PLCZ1: variants seen among roughly 807,000 people sequenced by gnomAD.
The protein encoded by PLCZ1 is 1-phosphatidylinositol 4,5-bisphosphate phosphodiesterase zeta-1.
Under a neutral mutation model 76.8 loss-of-function variants are expected in PLCZ1, and 64 were observed. That is an observed-to-expected ratio of 0.83 (90% CI 0.68 to 1.03). PLCZ1 has a LOEUF of 1.03. Ranked by LOEUF, PLCZ1 falls within the 50% of genes least tolerant of loss-of-function variation. The pLI is 0.00. For synonymous variants in PLCZ1, 248 were observed against 230.8 expected (o/e 1.07, Z -0.68); for missense variants, 751 against 713.7 (o/e 1.05, Z -0.60).
At chr12:18,673,638 C>T in the PLCZ1 span, among the ~76,000 whole-genome samples, 1 of 152,198 alleles carries the variant, frequency 6.6e-6, no homozygotes, top group Non-Finnish European at 1.5e-5. Flanking sequence ...TTAATTATCT[C>T]ATAGTTTCTG....
chr12:18,662,332 T>TA, the PLCZ1 span, among the ~76,000 whole-genome samples: 10 of 151,980 alleles, frequency 6.6e-5, no homozygotes, highest in African/African-American at 2.4e-4. Flanking sequence ...GTACAATTTT[T>TA]AAAAAACACA....
At chr12:18,679,257 A>AT (rs1952208547), downstream of PLCZ1, among the ~76,000 whole-genome samples, 1 of 151,938 alleles carries the variant, frequency 6.6e-6, no homozygotes, top group Admixed American at 6.6e-5. Context: ...TATCATTTTC[A>AT]TTATGATGTA....
At chr12:18,715,504 C>T (rs1369379248) in intron 5 of PLCZ1, among the ~76,000 whole-genome samples, 8 of 151,858 alleles carry the variant, frequency 5.3e-5, no homozygotes, top group African/African-American at 1.9e-4. Context: ...CGGGTTCACG[C>T]CATTCTCCTG....
At chr12:18,647,034 T>G in the PLCZ1 span, among the ~76,000 whole-genome samples, 1 of 152,156 alleles carries the variant, frequency 6.6e-6, no homozygotes, top group Non-Finnish European at 1.5e-5. Flanking sequence ...TTAACTGTAA[T>G]TGTCTCCCAA....
At chr12:18,648,697 C>G in the PLCZ1 span, among the ~76,000 whole-genome samples, 2 of 152,168 alleles carry the variant, frequency 1.3e-5, no homozygotes, top group Admixed American at 6.6e-5. Context: ...TCCAAGATCT[C>G]AAACTCTGAA....
At chr12:18,693,734 G>T in intron 12 of PLCZ1, 1 of 1,537,278 alleles carries the variant, frequency 6.5e-7, no homozygotes, top group Non-Finnish European at 9.0e-7. Flanking sequence ...GGATGGATTT[G>T]ATTCTAGGGT....
At chr12:18,707,590 G>A (rs1405327936) in intron 6 of PLCZ1, among the ~76,000 whole-genome samples, 1 of 151,920 alleles carries the variant, frequency 6.6e-6, no homozygotes, top group East Asian at 1.9e-4. Flanking sequence ...TACTTATGAG[G>A]GTTTTTGGCA....
intron 12 of PLCZ1, among the ~76,000 whole-genome samples, chr12:18,694,333 A>G (rs1954614739): frequency 6.6e-6 from 1 of 152,184 alleles, no homozygotes; most frequent in African/African-American, 2.4e-5. Flanking sequence ...ACAAACAAAA[A>G]AGCTCTCCCA....
At chr12:18,700,731 T>C (rs1270612714) in intron 9 of PLCZ1, among the ~76,000 whole-genome samples, 1 of 152,094 alleles carries the variant, frequency 6.6e-6, no homozygotes, top group African/African-American at 2.4e-5. Context: ...CACTGAACTT[T>C]TCATCTATGT....
chr12:18,694,669 G>T (rs1353491085), intron 12 of PLCZ1, among the ~76,000 whole-genome samples: 1 of 152,072 alleles, frequency 6.6e-6, no homozygotes, highest in African/African-American at 2.4e-5. Flanking sequence ...AACTTTGAGA[G>T]GAGAAGGTTT....
chr12:18,700,984 ATT>A (rs60921824), intron 9 of PLCZ1, among the ~76,000 whole-genome samples: 58,516 of 149,230 alleles, frequency 0.39, 11,485 homozygotes, highest in Admixed American at 0.46. Context: ...AATTATAGAG[ATT>A]TTTTTTTTTT....
intron 3 of PLCZ1, among the ~76,000 whole-genome samples, chr12:18,732,699 A>G (rs1368725748): frequency 1.3e-5 from 2 of 152,092 alleles, no homozygotes; most frequent in South Asian, 4.2e-4. Context: ...TAGATTCCTC[A>G]CATAAGTGGT....
At chr12:18,685,902 C>T (rs4764415) in intron 13 of PLCZ1, among the ~76,000 whole-genome samples, 75,193 of 151,062 alleles carry the variant, frequency 0.5, 21,465 homozygotes, top group South Asian at 0.67. Context: ...TAAGAGAAAG[C>T]CCTCACTTTC....
chr12:18,682,293 G>C (rs12304033), downstream of PLCZ1, among the ~76,000 whole-genome samples: 1 of 151,796 alleles, frequency 6.6e-6, no homozygotes, highest in Non-Finnish European at 1.5e-5. Context: ...AAGATATCAC[G>C]TGTTAGTACA....
intron 6 of PLCZ1, among the ~76,000 whole-genome samples, chr12:18,711,334 T>G (rs1244576257): frequency 1.6e-5 from 2 of 121,452 alleles, no homozygotes; most frequent in Admixed American, 1.1e-4. Flanking sequence ...AATTGAACAA[T>G]GAGAACACAT....
chr12:18,696,234 T>C lies in PLCZ1; in HGVS notation c.1207A>G (p.Ile403Val). The change falls in exon 11 of 15, where the codon ATT (isoleucine) becomes GTT (valine). Residue 403 changes from isoleucine (I) to valine (V), a missense_variant. By Grantham distance (29) the Ile-to-Val change is conservative. Coordinates refer to ENST00000266505, the MANE Select transcript of PLCZ1 (RefSeq NM_033123.4). The stretch of plus-strand genomic sequence containing the variant: ...GTTGCTTTGGGATATATTCTGGTAA[T>C]GAACTTCCTGGTGTGAAAAATAAAC... The part of the protein sequence containing the change: ...HEFIFHTRKF[I>V]TRIYPKATRA... 6.3e-7 allele frequency: 1 copy of C among 1,592,874 alleles called. No homozygotes were observed.
intron 2 of PLCZ1, chr12:18,736,548 G>T (rs1266182087): frequency 1.6e-6 from 2 of 1,244,530 alleles, no homozygotes; most frequent in Non-Finnish European, 2.1e-6. Context: ...AAAGGGCATA[G>T]CACAGTAAAA....
chr12:18,705,404 C>T, intron 6 of PLCZ1, 89 bp from the exon 7 acceptor site: 3 of 1,508,206 alleles, frequency 2.0e-6, no homozygotes, highest in Non-Finnish European at 2.8e-6. Flanking sequence ...TATTTTAAAA[C>T]TTACTTCTAA....
chr12:18,652,881 G>T, the PLCZ1 span, among the ~76,000 whole-genome samples: 1 of 151,634 alleles, frequency 6.6e-6, no homozygotes, highest in African/African-American at 2.4e-5. Context: ...ATCTTACATT[G>T]AACATATACA....
Sources: allele counts gnomAD v4.1 joint callset (sites outside exome capture counted in the v4.1 genomes callset), GRCh38; gene constraint gnomAD v4.1.1; transcripts MANE v1.5; gene names NCBI Gene and HGNC (gene_info 2026-07-23, HGNC 2026-07-21).